TMEM181: variants seen among roughly 807,000 people sequenced by gnomAD.
TMEM181 encodes G protein-coupled receptor 178.
A neutral mutation model predicts 71.9 loss-of-function variants in TMEM181; 39 were observed. The ratio of observed to expected loss-of-function variants is 0.54; its 90% CI spans 0.42 to 0.71. TMEM181 has a LOEUF of 0.71. Ranked by LOEUF, TMEM181 falls within the 30% of genes least tolerant of loss-of-function variation. The pLI is 0.00. For missense variants in TMEM181, 595 were observed against 583.0 expected, an observed-to-expected ratio of 1.02 and a Z score of -0.21; for synonymous variants, 245 against 228.8, an observed-to-expected ratio of 1.07 and a Z score of -0.64.
chr6:158,536,715 G>A (rs769505320), exon 1 of TMEM181: 4 of 1,552,946 alleles, frequency 2.6e-6, no homozygotes, highest in Non-Finnish European at 3.5e-6. Flanking sequence ...GCGGGACCGG[G>A]ACCCGGGAGG....
chr6:158,560,353 C>T, intron 1 of TMEM181, 121 bp downstream of exon 1: 1 of 978,130 alleles, frequency 1.0e-6, no homozygotes. Flanking sequence ...GAACTGGGGG[C>T]AGGGAAAAGG....
chr6:158,593,602 A>C (rs993378529), intron 6 of TMEM181, among the ~76,000 whole-genome samples: 1 of 152,220 alleles, frequency 6.6e-6, no homozygotes, highest in African/African-American at 2.4e-5. Flanking sequence ...CATAATCAAC[A>C]TTGTGCTGGC....
chr6:158,561,520 G>C (rs1392475191), intron 1 of TMEM181, among the ~76,000 whole-genome samples: 1 of 152,154 alleles, frequency 6.6e-6, no homozygotes, highest in Non-Finnish European at 1.5e-5. Flanking sequence ...TCTCTCACGC[G>C]CTGCCCCTTG....
chr6:158,602,409 A>G (rs117081750), intron 6 of TMEM181, among the ~76,000 whole-genome samples: 1 of 152,166 alleles, frequency 6.6e-6, no homozygotes, highest in Non-Finnish European at 1.5e-5. Flanking sequence ...AATGCTAGAA[A>G]TGGAATGGTT....
chr6:158,580,447 A>G (rs1045806851), intron 2 of TMEM181, among the ~76,000 whole-genome samples: 2 of 152,256 alleles, frequency 1.3e-5, no homozygotes, highest in African/African-American at 4.8e-5. Flanking sequence ...TCGTATACCT[A>G]TTAGTTAAAA....
At chr6:158,546,785 C>T (rs1781539099) in intron 1 of TMEM181, among the ~76,000 whole-genome samples, 1 of 148,946 alleles carries the variant, frequency 6.7e-6, no homozygotes, top group African/African-American at 2.5e-5. Context: ...TGGTGTGAAA[C>T]CCCATCTCTA....
rs1183926108 is a variant in TMEM181, at chr6:158,629,751, A to T, written c.1214A>T (p.Tyr405Phe). Residue 405 changes from tyrosine (Y) to phenylalanine (F), a missense_variant, in exon 15 of 17, where the codon TAT becomes TTT. Coordinates refer to ENST00000684151, the MANE Select transcript of TMEM181 (RefSeq NM_001376852.1). Reference protein sequence around the residue: ...YQNSAEFLSFYGLLNFYLYTL... With the variant: ...YQNSAEFLSFFGLLNFYLYTL... ...CCACCAGCCGAGTTCTTATCTTTCTATGGCCTGTTGAACTTCTATCTCTAC... is the reference window on the plus strand; with the variant it reads ...CCACCAGCCGAGTTCTTATCTTTCTTTGGCCTGTTGAACTTCTATCTCTAC... The T allele has an allele frequency of 6.2e-7, 1 of 1,612,122 alleles. No homozygotes were observed. The highest frequency in any genetic ancestry group is 8.5e-7 in the Non-Finnish European group (1 of 1,179,216).
At chr6:158,577,870 C>A (rs938039392) in intron 2 of TMEM181, among the ~76,000 whole-genome samples, 1 of 152,162 alleles carries the variant, frequency 6.6e-6, no homozygotes, top group African/African-American at 2.4e-5. Context: ...GCGGGTGGAT[C>A]ACCTGAGGTC....
At chr6:158,618,555 T>C in intron 10 of TMEM181, among the ~76,000 whole-genome samples, 1 of 152,240 alleles carries the variant, frequency 6.6e-6, no homozygotes, top group South Asian at 2.1e-4. Flanking sequence ...CTGGTTATTT[T>C]GCTTGTTAGT....
intron 12 of TMEM181, 117 bp from the exon 13 acceptor site, chr6:158,625,586 C>T: frequency 1.1e-6 from 1 of 931,166 alleles, no homozygotes; most frequent in Non-Finnish European, 1.6e-6. Context: ...CCGGCTAAGT[C>T]TGGAGGGAGG....
rs1786855125 is a variant in TMEM181, at chr6:158,634,804, T to A, written c.*2916T>A. ...CAAGACAAATGTCACCAGCCTCAAGTATTTTATGAACTATTTACTGAGGGT... is the reference window on the plus strand; with the variant it reads ...CAAGACAAATGTCACCAGCCTCAAGAATTTTATGAACTATTTACTGAGGGT... On this transcript the variant is annotated 3_prime_UTR_variant, in exon 17 of 17. Transcript: ENST00000684151. The A allele has an allele frequency of 1.3e-5, 2 of 152,096 alleles. No individual in the cohort carries two copies. Among genetic ancestry groups the A allele is most frequent in the Admixed American group, 1.3e-4 (2 of 15,278 alleles). The allele number at this position is 152,096 out of a possible 1,614,324, so 9.4% of individuals were successfully genotyped here.
chr6:158,571,921 A>T (rs567477608), intron 1 of TMEM181, among the ~76,000 whole-genome samples: 6 of 152,226 alleles, frequency 3.9e-5, no homozygotes, highest in Admixed American at 3.9e-4. Context: ...GCCTCTGAGG[A>T]TCTGTCAGGC....
chr6:158,614,463 C>T (rs1388210464), intron 10 of TMEM181, among the ~76,000 whole-genome samples: 1 of 141,808 alleles, frequency 7.1e-6, no homozygotes, highest in Non-Finnish European at 1.5e-5. Flanking sequence ...TTAATGAAAC[C>T]TTATAGACAA....
chr6:158,581,937 T>C (rs928332367), intron 3 of TMEM181, among the ~76,000 whole-genome samples: 2 of 152,110 alleles, frequency 1.3e-5, no homozygotes, highest in Non-Finnish European at 2.9e-5. Flanking sequence ...TTGCCCTGTA[T>C]CTTCGAGGCA....
chr6:158,577,840 C>T (rs558613069), intron 2 of TMEM181, among the ~76,000 whole-genome samples: 1 of 152,282 alleles, frequency 6.6e-6, no homozygotes, highest in South Asian at 2.1e-4. Context: ...CCTGTAATCC[C>T]AGTACTTTGG....
At chr6:158,587,866 C>T (rs1783866036) in intron 5 of TMEM181, among the ~76,000 whole-genome samples, 1 of 152,044 alleles carries the variant, frequency 6.6e-6, no homozygotes, top group African/African-American at 2.4e-5. Flanking sequence ...TTAAAACATC[C>T]CTGAAAAGTG....
chr6:158,613,416 G>T (rs56240001), intron 10 of TMEM181, among the ~76,000 whole-genome samples: 54 of 152,200 alleles, frequency 3.5e-4, no homozygotes, highest in African/African-American at 1.3e-3. Flanking sequence ...TCCATAGAAG[G>T]AATCAGATAA....
At chr6:158,581,736 A>G (rs1783490808) in intron 3 of TMEM181, among the ~76,000 whole-genome samples, 1 of 121,544 alleles carries the variant, frequency 8.2e-6, no homozygotes, top group African/African-American at 3.3e-5. Context: ...CCTGGGTGAC[A>G]GAGTGAGACT....
At chr6:158,600,439 C>T (rs377699281) in intron 6 of TMEM181, among the ~76,000 whole-genome samples, 21 of 147,794 alleles carry the variant, frequency 1.4e-4, no homozygotes, top group Admixed American at 1.2e-3. Flanking sequence ...CGTGAGTCAC[C>T]GTGCCTGGCC....
Sources: allele counts gnomAD v4.1 joint callset (sites outside exome capture counted in the v4.1 genomes callset), GRCh38; gene constraint gnomAD v4.1.1; transcripts MANE v1.5; gene names NCBI Gene and HGNC (gene_info 2026-07-23, HGNC 2026-07-21).